Variants in INSYN2A observed in about 807,000 individuals in gnomAD.
The protein encoded by INSYN2A is inhibitory synaptic factor 2A.
INSYN2A carries 17 observed loss-of-function variants against 39.4 expected under a neutral mutation model. The ratio of observed to expected loss-of-function variants is 0.43; its 90% confidence interval spans 0.30 to 0.65. The LOEUF is 0.65. Ranked by LOEUF, INSYN2A falls within the 30% of genes least tolerant of loss-of-function variation. INSYN2A has a pLI of 0.14. For synonymous variants in INSYN2A, 255 were observed against 265.7 expected (o/e 0.96, Z 0.39); for missense variants, 595 against 631.2 (o/e 0.94, Z 0.61).
At position 127,176,148 on chromosome 10, in the gene INSYN2A, G is replaced by A. The variant is rs745480635; in HGVS notation, c.248C>T (p.Ala83Val). Residue 83 changes from alanine to valine, a missense_variant, in exon 4 of 6, where the codon GCC (alanine) becomes GTC (valine). By Grantham distance (64) the Ala-to-Val change is moderately conservative. Around this residue, in one of 2 missense-constraint regions of INSYN2A, gnomAD observed 478 missense variants for 467.4 expected, o/e 1.02. Transcript: ENST00000522781. This position sits in a 1 kb window ranked among gnomAD's most constrained non-coding sequence, Gnocchi z 4.4. ...REAKPVSCRA[A>V]YRKYMTVPAR... The stretch of plus-strand genomic sequence containing the variant: ...GGGCACTGTCATGTATTTGCGGTAG[G>A]CTGCTCTGCAGGACACGGGCTTGGC... 2.5e-6 allele frequency: 4 copies of A among 1,614,100 alleles called. No individual in the cohort carries two copies. Among genetic ancestry groups the A allele is most frequent in the Non-Finnish European group, 3.4e-6 (4 of 1,180,030 alleles).
chr10:127,192,843 G>A (rs575385848), intron 1 of INSYN2A, 113 bp from the exon 2 acceptor site: 1 of 152,200 alleles, frequency 6.6e-6, no homozygotes, highest in Admixed American at 6.5e-5. Flanking sequence ...ATCCTGTCAG[G>A]GTCCCTATAG....
At position 127,195,269 on chromosome 10, in the gene INSYN2A, C is replaced by T. The variant is rs570542585; in HGVS notation, c.-395+728G>A. Among the ~76,000 whole-genome samples, 101 of 152,300 alleles carry T rather than the reference C, an allele frequency of 6.6e-4. 2 individuals carry two copies. In the Middle Eastern group the frequency reaches 0.02, roughly 31 times the overall value. On this transcript the variant is annotated intron_variant, in intron 1 of 5. Coordinates refer to ENST00000522781, the MANE Select transcript of INSYN2A (RefSeq NM_001039762.3). ...ACCCCGGGCTGCCCGCGGGCTCCCT[C>T]CTCCCTCCTGCCCTCGCCCGCCAGC...
At chr10:127,186,506 C>CAA (rs2056255559) in intron 2 of INSYN2A, among the ~76,000 whole-genome samples, 1 of 19,150 alleles carries the variant, frequency 5.2e-5, no homozygotes, top group African/African-American at 1.9e-4. Flanking sequence ...TGGGAGAAAC[C>CAA]GCCCCCCCGC....
intron 4 of INSYN2A, among the ~76,000 whole-genome samples, chr10:127,170,641 A>G (rs2133825644): frequency 6.6e-6 from 1 of 152,312 alleles, no homozygotes; most frequent in South Asian, 2.1e-4. Context: ...CAAGACCTAC[A>G]CCCCATTGGT....
intron 5 of INSYN2A, among the ~76,000 whole-genome samples, chr10:127,151,667 G>A (rs541659522): frequency 2.0e-5 from 3 of 152,220 alleles, no homozygotes; most frequent in South Asian, 2.1e-4. Context: ...AAAAGTTCTC[G>A]ATGAGTAGTC....
intron 4 of INSYN2A, among the ~76,000 whole-genome samples, chr10:127,172,521 G>A (rs2054670032): frequency 6.6e-6 from 1 of 152,154 alleles, no homozygotes; most frequent in Admixed American, 6.5e-5. Flanking sequence ...GGAGAAGACG[G>A]GTGGGAAATT....
intron 4 of INSYN2A, among the ~76,000 whole-genome samples, chr10:127,158,281 A>C (rs977048623): frequency 6.6e-6 from 1 of 152,238 alleles, no homozygotes; most frequent in Non-Finnish European, 1.5e-5. Flanking sequence ...AGGAAGAACA[A>C]CCTAAAAACT....
At chr10:127,193,391 G>A (rs1018805900) in intron 1 of INSYN2A, among the ~76,000 whole-genome samples, 1 of 152,178 alleles carries the variant, frequency 6.6e-6, no homozygotes, top group Non-Finnish European at 1.5e-5. Context: ...CTTCACAAGC[G>A]TTAAAATCCG....
intron 4 of INSYN2A, among the ~76,000 whole-genome samples, chr10:127,158,225 T>C (rs2053265682): frequency 1.3e-5 from 2 of 152,292 alleles, no homozygotes; most frequent in South Asian, 4.1e-4. Context: ...TGGAAACACA[T>C]CAGAAAACAG....
Position 127,176,458 on chromosome 10 carries a change from C to T in INSYN2A, c.-5-58G>A, listed in dbSNP as rs1049666434. On this transcript the variant is annotated intron_variant, in intron 3 of 5. Coordinates refer to ENST00000522781, the MANE Select transcript of INSYN2A (RefSeq NM_001039762.3). This position sits in a 1 kb window ranked among gnomAD's most constrained non-coding sequence, Gnocchi z 4.4. The stretch of plus-strand genomic sequence containing the variant: ...GGGACAGAAATACACACTCAAGCAC[C>T]GGCCGCACAAACTTTTAGCCACCAC... 119 of 1,397,854 alleles carry T rather than the reference C, an allele frequency of 8.5e-5. 1 individual carries two copies. Among genetic ancestry groups the T allele is most frequent in the Middle Eastern group, 3.7e-4 (2 of 5,442 alleles). The allele number at this position is 1,397,854 out of a possible 1,614,324, so 86.6% of individuals were successfully genotyped here. A position where few individuals can be genotyped will look rare whatever the true frequency, so the allele number is the denominator to read the frequency against.
At chr10:127,141,639 C>T (rs189232544) in intron 5 of INSYN2A, among the ~76,000 whole-genome samples, 4 of 151,954 alleles carry the variant, frequency 2.6e-5, no homozygotes, top group Non-Finnish European at 5.9e-5. Context: ...CCACTGCACT[C>T]CACCCTGGGT....
chr10:127,143,743 G>T (rs946412096), intron 5 of INSYN2A, among the ~76,000 whole-genome samples: 1 of 152,188 alleles, frequency 6.6e-6, no homozygotes, highest in Non-Finnish European at 1.5e-5. Context: ...CCCCTTGCAT[G>T]GGAGGTGAAT....
In INSYN2A at chr10:127,176,441, A is replaced by C; in HGVS notation, c.-5-41T>G. The C allele has an allele frequency of 1.3e-6, 2 of 1,515,694 alleles. No homozygotes were observed. Among genetic ancestry groups the C allele is most frequent in the South Asian group, 2.5e-5 (2 of 80,188 alleles). 93.9% of individuals were successfully genotyped at this position (1,515,694 alleles called of 1,614,324 possible). A position where few individuals can be genotyped will look rare whatever the true frequency, so the allele number is the denominator to read the frequency against. On this transcript the variant is annotated intron_variant, in intron 3 of 5. Transcript: ENST00000522781. The surrounding 1 kb of genome is among the most constrained non-coding windows in gnomAD (Gnocchi z 4.4). ...GCAACAGAGGTGTCAGTGGGACAGAAATACACACTCAAGCACCGGCCGCAC... is the reference window on the plus strand; with the variant it reads ...GCAACAGAGGTGTCAGTGGGACAGACATACACACTCAAGCACCGGCCGCAC...
At chr10:127,190,567 T>C (rs1238235298) in intron 2 of INSYN2A, among the ~76,000 whole-genome samples, 1 of 150,690 alleles carries the variant, frequency 6.6e-6, no homozygotes, top group Non-Finnish European at 1.5e-5. Flanking sequence ...GTATTTCTTG[T>C]GGACATTCTA....
At position 127,176,711 on chromosome 10, in the gene INSYN2A, C is replaced by T. The variant is rs2055194207; in HGVS notation, c.-6+166G>A. ...ACATTCATCAAGAAACCCAATGATG[C>T]TGCCTCTTCTGCTTTGCAAATTATC... On this transcript the variant is annotated intron_variant, in intron 3 of 5. Coordinates refer to ENST00000522781, the MANE Select transcript of INSYN2A (RefSeq NM_001039762.3). The surrounding 1 kb of genome is among the most constrained non-coding windows in gnomAD (Gnocchi z 4.4). Among the ~76,000 whole-genome samples, 1 of 152,214 alleles carries T rather than the reference C, an allele frequency of 6.6e-6. No homozygotes were observed. The highest frequency in any genetic ancestry group is 2.1e-4 in the South Asian group (1 of 4,834).
chr10:127,154,794 C>T (rs1042894026), intron 4 of INSYN2A, among the ~76,000 whole-genome samples: 6 of 152,056 alleles, frequency 3.9e-5, no homozygotes, highest in Non-Finnish European at 7.4e-5. Context: ...ATCTTGGGGT[C>T]TTTCTGTAGT....
At chr10:127,145,953 C>T (rs754515718) in intron 5 of INSYN2A, 61 of 511,318 alleles carry the variant, frequency 1.2e-4, no homozygotes, top group South Asian at 3.9e-4. Flanking sequence ...TCTTTCAAGA[C>T]GCCTATCTGT....
At chr10:127,152,551 G>A (rs2052611055) in intron 5 of INSYN2A, among the ~76,000 whole-genome samples, 1 of 152,194 alleles carries the variant, frequency 6.6e-6, no homozygotes, top group Non-Finnish European at 1.5e-5. Context: ...GGTGGTTTCA[G>A]TAAGGTAGGC....
At chr10:127,155,885 G>A (rs528256005) in intron 4 of INSYN2A, among the ~76,000 whole-genome samples, 52 of 152,286 alleles carry the variant, frequency 3.4e-4, no homozygotes, top group African/African-American at 1.2e-3. Flanking sequence ...CACGGTCCAC[G>A]CTGAATGTGT....
Sources: gnomAD v4.1 joint callset for allele counts (sites outside exome capture counted in the v4.1 genomes callset) on GRCh38, gnomAD v4.1.1 for gene constraint, gnomAD v4.1.1 regional missense constraint, Gnocchi (gnomAD v3.1) non-coding constraint, MANE v1.5 for transcripts, NCBI Gene and HGNC (gene_info 2026-07-23, HGNC 2026-07-21) for gene names.